MUC5AC: variants seen among roughly 807,000 people sequenced by gnomAD.
MUC5AC encodes the protein mucin-5AC.
Under a neutral mutation model 169.7 loss-of-function variants are expected in MUC5AC, and 158 were observed. That is an observed-to-expected ratio of 0.93 (90% CI 0.82 to 1.06). MUC5AC has a LOEUF of 1.06. MUC5AC is among the 50% of genes least tolerant of loss of function. The pLI is 0.00. For synonymous variants in MUC5AC, 1,975 were observed against 1,237.0 expected (o/e 1.60, Z -12.52); for missense variants, 4,359 against 3,089.9 (o/e 1.41, Z -9.74).
rs962827909 is a variant in MUC5AC, at chr11:1,177,147, T to G, written c.2793+81T>G. 614 of 398,546 alleles carry G rather than the reference T, an allele frequency of 1.5e-3. 2 individuals are homozygous for G. Among genetic ancestry groups the G allele is most frequent in the African/African-American group, 0.012 (567 of 48,728 alleles). The allele number at this position is 398,546 out of a possible 1,614,324, so 24.7% of individuals were successfully genotyped here. A position where few individuals can be genotyped will look rare whatever the true frequency, so the allele number is the denominator to read the frequency against. Reference sequence around the variant, plus strand: ...CTGCCTCTCTGCGGCTGCCCCAGGGTGCACACAGGTTGTCCCCGCCTCATC... The same window carrying G: ...CTGCCTCTCTGCGGCTGCCCCAGGGGGCACACAGGTTGTCCCCGCCTCATC... On this transcript the variant is annotated intron_variant, in intron 22 of 48. Coordinates refer to ENST00000621226, the MANE Select transcript of MUC5AC (RefSeq NM_001304359.2).
chr11:1,200,331 C>T, intron 48 of MUC5AC, 107 bp from the exon 49 acceptor site: 2 of 604,792 alleles, frequency 3.3e-6, no homozygotes, highest in Non-Finnish European at 5.9e-6. Flanking sequence ...AGCATGCCTC[C>T]AGGAGCAGGG....
At chr11:1,168,378 C>G (rs28404876) in intron 12 of MUC5AC, 105 bp from the exon 13 acceptor site, 636,667 of 1,110,636 alleles carry the variant, frequency 0.57, 187,626 homozygotes, top group East Asian at 0.67. Flanking sequence ...GCCGCAGCTG[C>G]AGGGAAAGGC....
rs766341943 is a variant in MUC5AC at position 1,164,214 on chromosome 11, G to T, written c.898G>T (p.Asp300Tyr). ...ACRQDLCFCE[D>Y]TDLLSCVCHT... ...CAGGCAAGACCTCTGCTTCTGTGAA[G>T]ACACCGACCTGCTCAGCTGCGTCTG... Residue 300 changes from aspartate to tyrosine, a missense_variant, in exon 8 of 49, where the codon GAC becomes TAC. Asp to Tyr is a radical substitution (Grantham distance 160). Coordinates refer to ENST00000621226, the MANE Select transcript of MUC5AC (RefSeq NM_001304359.2). 3 of 1,612,658 alleles carry T rather than the reference G, an allele frequency of 1.9e-6. No individual in the cohort carries two copies. The East Asian group carries it at 6.7e-5, about 36-fold the overall frequency.
rs1564907531 is a variant in MUC5AC, at chr11:1,165,420, G to T, written c.1247+1G>T. On this transcript the variant is annotated splice_donor_variant, in intron 10 of 48. Coordinates refer to ENST00000621226, the MANE Select transcript of MUC5AC (RefSeq NM_001304359.2). LOFTEE classifies it high-confidence loss of function. Reference sequence around the variant, plus strand: ...CCTACTCCACAGACTGCACCAACTGGTAGGTCCCAGCCCCCCTCCAGGCCA... The same window carrying T: ...CCTACTCCACAGACTGCACCAACTGTTAGGTCCCAGCCCCCCTCCAGGCCA... 1.9e-6 allele frequency: 3 copies of T among 1,572,718 alleles called. No individual in the cohort carries two copies. Among genetic ancestry groups the T allele is most frequent in the African/African-American group, 1.6e-5 (1 of 61,474 alleles).
Position 1,176,999 on chromosome 11 carries a change from GC to G in MUC5AC, c.2728del (p.His910ThrfsTer64), listed in dbSNP as rs1860702941. The G allele has an allele frequency of 7.5e-6, 3 of 399,018 alleles. No individual in the cohort carries two copies. The highest frequency in any genetic ancestry group is 1.3e-5 in the Non-Finnish European group (3 of 226,332). 24.7% of individuals were successfully genotyped at this position (399,018 alleles called of 1,614,324 possible). On this transcript the variant is annotated frameshift_variant, in exon 22 of 49. Coordinates refer to ENST00000621226, the MANE Select transcript of MUC5AC (RefSeq NM_001304359.2). LOFTEE classifies it high-confidence loss of function. ...GCCACCTGCGCCGTGTACGGGGACGGCCACTACCTCACCTTCGACGGACAGA... is the reference window on the plus strand; with the variant it reads ...GCCACCTGCGCCGTGTACGGGGACGGCACTACCTCACCTTCGACGGACAGA... ...CLATCAVYGD[G>X]HYLTFDGQSY... is the part of the protein sequence containing the mutation.
intron 26 of MUC5AC, 54 bp from the exon 27 acceptor site, chr11:1,179,968 G>A (rs2133749258): frequency 2.5e-6 from 1 of 398,512 alleles, no homozygotes; most frequent in East Asian, 3.6e-5. Context: ...GGGGTGCGGG[G>A]CCTCTGCGAG....
intron 15 of MUC5AC, among the ~76,000 whole-genome samples, chr11:1,169,451 T>TCACTCACCTCACTCACTCACC (rs1860435053): frequency 9.6e-6 from 1 of 104,064 alleles, no homozygotes; most frequent in Non-Finnish European, 2.0e-5. Flanking sequence ...ACCCACTCAC[T>TCACTCACCTCACTCACTCACC]CACTCACCTC....
chr11:1,187,543 C>G lies in MUC5AC; in HGVS notation c.9398C>G (p.Thr3133Ser). ...AGCCCTATTCCTACCACCAGCACAA[C>G]CTCTCCTCCTACAACCAGCACAACT... ...TPSPIPTTST[T>S]SPPTTSTTSA... Residue 3133 changes from threonine (T) to serine (S), a missense_variant, in exon 31 of 49, where the codon ACC (threonine) becomes AGC (serine). By Grantham distance (58) the Thr-to-Ser change is moderately conservative. Transcript: ENST00000621226. The G allele has an allele frequency of 2.7e-6, 2 of 751,422 alleles. No individual in the cohort carries two copies. The highest frequency in any genetic ancestry group is 3.5e-5 in the Admixed American group (2 of 56,420). The allele number at this position is 751,422 out of a possible 1,614,324, so 46.5% of individuals were successfully genotyped here.
chr11:1,171,472 C>CCCAT (rs1564910045), intron 15 of MUC5AC, among the ~76,000 whole-genome samples: 1 of 92,292 alleles, frequency 1.1e-5, no homozygotes, highest in Admixed American at 1.1e-4. Context: ...CACCCCCTCA[C>CCCAT]TCACCCACTC....
chr11:1,189,789 T>C lies in MUC5AC; in HGVS notation c.11644T>C (p.Phe3882Leu), dbSNP rs1481143717. Reference sequence around the variant, plus strand: ...TGCCCCTACAACCAGCACAACCTCTTTCCATACAACCAGCACAACCTCTCC... The same window carrying C: ...TGCCCCTACAACCAGCACAACCTCTCTCCATACAACCAGCACAACCTCTCC... Reference protein sequence around the residue: ...ISAPTTSTTSFHTTSTTSPPT... With the variant: ...ISAPTTSTTSLHTTSTTSPPT... The change falls in exon 31 of 49, where the codon TTC becomes CTC. Residue 3882 changes from phenylalanine to leucine, a missense_variant. Coordinates refer to ENST00000621226, the MANE Select transcript of MUC5AC (RefSeq NM_001304359.2). 11 of 704,280 alleles carry C rather than the reference T, an allele frequency of 1.6e-5. No individual in the cohort carries two copies. Among genetic ancestry groups the C allele is most frequent in the Non-Finnish European group, 2.3e-5 (9 of 386,826 alleles). 43.6% of individuals were successfully genotyped at this position (704,280 alleles called of 1,614,324 possible).
At position 1,172,514 on chromosome 11, in the gene MUC5AC, C is replaced by T. The variant is rs1030062791; in HGVS notation, c.1956C>T (p.Thr652=). Residue 652 remains threonine, a synonymous_variant, in exon 16 of 49, where the codon ACC becomes ACT. Coordinates refer to ENST00000621226, the MANE Select transcript of MUC5AC (RefSeq NM_001304359.2). ...GRCHAAVKPG[T]YYSNCMFDTC... The stretch of plus-strand genomic sequence containing the variant: ...GCCATGCTGCCGTGAAGCCGGGAAC[C>T]TACTACTCGGTAACATCTGCCGCCT... The T allele has an allele frequency of 5.0e-6, 2 of 398,596 alleles. No individual in the cohort carries two copies. The highest frequency in any genetic ancestry group is 2.1e-5 in the African/African-American group (1 of 48,652). The allele number at this position is 398,596 out of a possible 1,614,324, so 24.7% of individuals were successfully genotyped here. A position where few individuals can be genotyped will look rare whatever the true frequency, so the allele number is the denominator to read the frequency against.
At chr11:1,164,613 A>T in intron 9 of MUC5AC, 81 bp downstream of exon 9, 1 of 1,492,542 alleles carries the variant, frequency 6.7e-7, no homozygotes, top group East Asian at 2.4e-5. Flanking sequence ...GCCTCGGAAG[A>T]AGGACCCCAG....
chr11:1,183,723 C>G lies in MUC5AC; in HGVS notation c.5578C>G (p.Pro1860Ala). 9.0e-6 allele frequency: 5 copies of G among 558,452 alleles called. No homozygotes were observed. The highest frequency in any genetic ancestry group is 6.1e-5 in the South Asian group (2 of 32,626). 34.6% of individuals were successfully genotyped at this position (558,452 alleles called of 1,614,324 possible). A position where few individuals can be genotyped will look rare whatever the true frequency, so the allele number is the denominator to read the frequency against. Residue 1860 changes from proline (P) to alanine (A), a missense_variant, in exon 31 of 49, where the codon CCA becomes GCA. Coordinates refer to ENST00000621226, the MANE Select transcript of MUC5AC (RefSeq NM_001304359.2). ...TSTPGSTSSS[P>A]AQTTPSTTSK... is the part of the protein sequence containing the mutation. Reference sequence around the variant, plus strand: ...CACACCTGGCTCCACCTCTAGCAGTCCAGCCCAGACCACTCCTTCAACAAC... The same window carrying G: ...CACACCTGGCTCCACCTCTAGCAGTGCAGCCCAGACCACTCCTTCAACAAC...
chr11:1,189,090 T>C lies in MUC5AC; in HGVS notation c.10945T>C (p.Ser3649Pro). ...GRATSPTQST[S>P]SWQKSRTTTL... The stretch of plus-strand genomic sequence containing the variant: ...AGCCACCAGCCCAACTCAGAGCACC[T>C]CCTCTTGGCAGAAATCCAGGACAAC... The change falls in exon 31 of 49, where the codon TCC becomes CCC. Residue 3649 changes from serine (S) to proline (P), a missense_variant. Ser to Pro is a moderately conservative substitution (Grantham distance 74). Coordinates refer to ENST00000621226, the MANE Select transcript of MUC5AC (RefSeq NM_001304359.2). The C allele has an allele frequency of 3.3e-6, 2 of 605,606 alleles. No homozygotes were observed. Among genetic ancestry groups the C allele is most frequent in the Non-Finnish European group, 5.9e-6 (2 of 338,964 alleles). The allele number at this position is 605,606 out of a possible 1,614,324, so 37.5% of individuals were successfully genotyped here.
intron 24 of MUC5AC, 124 bp from the exon 25 acceptor site, chr11:1,178,320 T>A: frequency 2.8e-6 from 1 of 353,988 alleles, no homozygotes; most frequent in Non-Finnish European, 5.1e-6. Flanking sequence ...GTTGGCCACC[T>A]GGGTGGGAGG....
rs1467833987 is a variant in MUC5AC at position 1,183,651 on chromosome 11, G to A, written c.5506G>A (p.Val1836Met). The part of the protein sequence containing the change: ...GPFKMCLNYE[V>M]RVLCCETPRG... ...CTTCAAGATGTGCCTCAACTACGAG[G>A]TGCGTGTGCTCTGCTGCGAGACCCC... is the stretch of plus-strand genomic sequence containing the variant. The change falls in exon 31 of 49, where the codon GTG becomes ATG. Residue 1836 changes from valine to methionine, a missense_variant. By Grantham distance (21) the Val-to-Met change is conservative. Coordinates refer to ENST00000621226, the MANE Select transcript of MUC5AC (RefSeq NM_001304359.2). 1.6e-6 allele frequency: 1 copy of A among 639,256 alleles called. No homozygotes were observed. The highest frequency in any genetic ancestry group is 2.8e-6 in the Non-Finnish European group (1 of 358,004). 39.6% of individuals were successfully genotyped at this position (639,256 alleles called of 1,614,324 possible). A position where few individuals can be genotyped will look rare whatever the true frequency, so the allele number is the denominator to read the frequency against.
intron 15 of MUC5AC, 38 bp from the exon 16 acceptor site, chr11:1,172,391 T>C: frequency 2.5e-6 from 1 of 398,706 alleles, no homozygotes; most frequent in East Asian, 3.6e-5. Context: ...GTGTGCTGCC[T>C]GATCTTAATC....
rs1408332371 is a variant in MUC5AC at position 1,165,391 on chromosome 11, G to T, written c.1219G>T (p.Ala407Ser). 6.2e-7 allele frequency: 1 copy of T among 1,612,274 alleles called. No homozygotes were observed. Among genetic ancestry groups the T allele is most frequent in the Non-Finnish European group, 8.5e-7 (1 of 1,179,708 alleles). Residue 407 changes from alanine (A) to serine (S), a missense_variant, in exon 10 of 49, where the codon GCC (alanine) becomes TCC (serine). By Grantham distance (99) the Ala-to-Ser change is moderately conservative. Transcript: ENST00000621226. The part of the protein sequence containing the change: ...VYNGAAYAPG[A>S]TYSTDCTNCT... ...CAACGGGGCTGCCTATGCCCCAGGG[G>T]CCACCTACTCCACAGACTGCACCAA...
rs1189629139 is a variant in MUC5AC at position 1,187,236 on chromosome 11, G to A, written c.9091G>A (p.Ala3031Thr). The A allele has an allele frequency of 1.4e-6, 1 of 698,654 alleles. No individual in the cohort carries two copies. Among genetic ancestry groups the A allele is most frequent in the Non-Finnish European group, 2.6e-6 (1 of 384,280 alleles). The allele number at this position is 698,654 out of a possible 1,614,324, so 43.3% of individuals were successfully genotyped here. A position where few individuals can be genotyped will look rare whatever the true frequency, so the allele number is the denominator to read the frequency against. The change falls in exon 31 of 49, where the codon GCC becomes ACC. Residue 3031 changes from alanine (A) to threonine (T), a missense_variant. Ala to Thr is a moderately conservative substitution (Grantham distance 58). Coordinates refer to ENST00000621226, the MANE Select transcript of MUC5AC (RefSeq NM_001304359.2). The part of the protein sequence containing the change: ...TLAPTTSTTS[A>T]PTTSTTSTPT... The stretch of plus-strand genomic sequence containing the variant: ...AGCTCCTACAACCAGCACAACCTCT[G>A]CCCCTACAACCAGCACAACCTCTAC...
Sources: gnomAD v4.1 joint callset for allele counts (sites outside exome capture counted in the v4.1 genomes callset) on GRCh38, gnomAD v4.1.1 for gene constraint, MANE v1.5 for transcripts, NCBI Gene and HGNC (gene_info 2026-07-23, HGNC 2026-07-21) for gene names.